SVEP1: variants seen among roughly 807,000 people sequenced by gnomAD.
SVEP1 encodes the protein sushi, von Willebrand factor type A, EGF and pentraxin domain containing 1.
Under a neutral mutation model 367.3 loss-of-function variants are expected in SVEP1, and 164 were observed. That is an observed-to-expected ratio of 0.45 (90% CI 0.39 to 0.51). The LOEUF is 0.51. Among genes scored for constraint, SVEP1 ranks in the 20% least tolerant of loss-of-function variants. The pLI is 0.00. For synonymous variants in SVEP1, 1,666 were observed against 1,611.6 expected (o/e 1.03, Z -0.81); for missense variants, 4,117 against 4,425.3 (o/e 0.93, Z 1.98).
intron 40 of SVEP1, among the ~76,000 whole-genome samples, chr9:110,393,719 C>G (rs551354253): frequency 6.6e-6 from 1 of 152,220 alleles, no homozygotes; most frequent in African/African-American, 2.4e-5. Context: ...TATCCCGCAC[C>G]TGGCTCAGAG....
intron 43 of SVEP1, among the ~76,000 whole-genome samples, chr9:110,380,153 T>C (rs1429025594): frequency 6.6e-5 from 10 of 152,188 alleles, no homozygotes; most frequent in Non-Finnish European, 1.5e-4. Context: ...ATGACAATCC[T>C]CTCTTTTAAA....
intron 46 of SVEP1, among the ~76,000 whole-genome samples, chr9:110,373,692 T>G (rs1658068554): frequency 6.6e-6 from 1 of 152,078 alleles, no homozygotes; most frequent in Non-Finnish European, 1.5e-5. Context: ...ATTGAGTTAT[T>G]TGACATTTAC....
intron 1 of SVEP1, among the ~76,000 whole-genome samples, chr9:110,560,000 T>C (rs1265729771): frequency 1.3e-5 from 2 of 152,180 alleles, no homozygotes; most frequent in African/African-American, 4.8e-5. Flanking sequence ...TGTGTATGTA[T>C]GAGTGTGACT....
At chr9:110,423,190 A>AAAAAAAAAAAAT (rs1828199423) in intron 36 of SVEP1, among the ~76,000 whole-genome samples, 1 of 147,280 alleles carries the variant, frequency 6.8e-6, no homozygotes, top group African/African-American at 2.5e-5. Flanking sequence ...AAAAGAAAAA[A>AAAAAAAAAAAAT]AAAAGAAAAA....
rs1439042501 is a variant in SVEP1 at position 110,513,073 on chromosome 9, T to C, written c.1156A>G (p.Asn386Asp). 6 of 1,613,908 alleles carry C rather than the reference T, an allele frequency of 3.7e-6. No individual in the cohort carries two copies. Among genetic ancestry groups the C allele is most frequent in the Non-Finnish European group, 4.2e-6 (5 of 1,179,836 alleles). ...VHCPALKPPENGYFIQNTCNN... is the reference protein window; with the variant it reads ...VHCPALKPPEDGYFIQNTCNN... Reference sequence around the variant, plus strand: ...CAAGTGTTTTGGATAAAGTAACCATTTTCGGGAGGCTTCAGGGCAGGGCAG... The same window carrying C: ...CAAGTGTTTTGGATAAAGTAACCATCTTCGGGAGGCTTCAGGGCAGGGCAG... Residue 386 changes from asparagine to aspartate, a missense_variant, in exon 5 of 48, where the codon AAT becomes GAT. Coordinates refer to ENST00000374469, the MANE Select transcript of SVEP1 (RefSeq NM_153366.4).
chr9:110,485,476 T>C (rs1829261831), intron 9 of SVEP1, among the ~76,000 whole-genome samples: 1 of 152,102 alleles, frequency 6.6e-6, no homozygotes, highest in Non-Finnish European at 1.5e-5. Flanking sequence ...AGCTAATTCA[T>C]GCAGGGCTCA....
chr9:110,370,096 T>C, intron 46 of SVEP1, 80 bp from the exon 47 acceptor site: 2 of 1,292,118 alleles, frequency 1.5e-6, no homozygotes, highest in South Asian at 2.6e-5. Flanking sequence ...TAGGATAAGA[T>C]TTGACTCTAC....
At chr9:110,540,327 GAAT>G (rs1830128882) in intron 3 of SVEP1, among the ~76,000 whole-genome samples, 1 of 151,958 alleles carries the variant, frequency 6.6e-6, no homozygotes, top group African/African-American at 2.4e-5. Flanking sequence ...ACTAAACCCA[GAAT>G]AATATTTTCT....
At chr9:110,458,919 A>G (rs200926206) in intron 19 of SVEP1, 33 bp downstream of exon 19, 10 of 1,599,222 alleles carry the variant, frequency 6.3e-6, no homozygotes, top group Non-Finnish European at 8.6e-6. Context: ...AATGTCCAAC[A>G]TAGGATTACA....
rs527684142 is a variant in SVEP1 at position 110,424,826 on chromosome 9, C to T, written c.5975+2765G>A. ...AGTAGCTGGGATTATAGGCATGCACCACCACACCCAGCTAATTTTGTCTTT... is the reference window on the plus strand; with the variant it reads ...AGTAGCTGGGATTATAGGCATGCACTACCACACCCAGCTAATTTTGTCTTT... On this transcript the variant is annotated intron_variant, in intron 36 of 47. Transcript: ENST00000374469. Among the ~76,000 whole-genome samples the T allele has an allele frequency of 5.3e-5, 8 of 152,254 alleles. No homozygotes were observed. In the South Asian group the frequency reaches 1.5e-3, roughly 28 times the overall value.
At chr9:110,472,563 C>T (rs1829037688) in intron 14 of SVEP1, among the ~76,000 whole-genome samples, 1 of 152,126 alleles carries the variant, frequency 6.6e-6, no homozygotes, top group African/African-American at 2.4e-5. Context: ...TATGGAACTA[C>T]TAGGGCATTT....
At position 110,368,292 on chromosome 9, in the gene SVEP1, A is replaced by C. The variant is rs371748781; in HGVS notation, c.10694+1631T>G. On this transcript the variant is annotated intron_variant, in intron 47 of 47. Transcript: ENST00000374469. Reference sequence around the variant, plus strand: ...ACAAGGTCCCTCTATTGTGATAATAAATTCTCTTCTTTGCTTAAACTAGTT... The same window carrying C: ...ACAAGGTCCCTCTATTGTGATAATACATTCTCTTCTTTGCTTAAACTAGTT... 5.3e-5 allele frequency among the ~76,000 whole-genome samples: 8 copies of C among 152,100 alleles called. No homozygotes were observed. The East Asian group carries it at 9.6e-4, about 18-fold the overall frequency.
intron 27 of SVEP1, among the ~76,000 whole-genome samples, chr9:110,439,178 A>G (rs36120277): frequency 0.22 from 33,025 of 151,880 alleles, 4,269 homozygotes; most frequent in Non-Finnish European, 0.28. Context: ...GATTTAGATG[A>G]GTTCATGAGG....
At chr9:110,404,243 T>A in intron 39 of SVEP1, 84 bp downstream of exon 39, 1 of 1,316,488 alleles carries the variant, frequency 7.6e-7, no homozygotes, top group Non-Finnish European at 1.0e-6. Context: ...TTTTTTCTTT[T>A]TGGGATTACT....
intron 40 of SVEP1, among the ~76,000 whole-genome samples, chr9:110,396,172 C>G (rs373697374): frequency 5.3e-5 from 8 of 152,132 alleles, no homozygotes; most frequent in Non-Finnish European, 1.2e-4. Flanking sequence ...TGCAATCAAA[C>G]TAGAACTCAG....
rs1277211903 is a variant in SVEP1, at chr9:110,408,870, C to A, written c.6730G>T (p.Val2244Phe). 5 of 1,613,468 alleles carry A rather than the reference C, an allele frequency of 3.1e-6. No homozygotes were observed. The African/African-American group carries it at 5.3e-5, about 17-fold the overall frequency. Residue 2244 changes from valine to phenylalanine, a missense_variant, in exon 38 of 48, where the codon GTC becomes TTC. Transcript: ENST00000374469. ...GYKSVGSPVF[V>F]CQANRHWHSE... ...TGCCAGTGGCGATTGGCTTGGCAGA[C>A]AAATACAGGACTTCCGACTGACTTA...
intron 3 of SVEP1, among the ~76,000 whole-genome samples, chr9:110,544,724 G>C (rs1172922897): frequency 6.6e-6 from 1 of 151,270 alleles, no homozygotes; most frequent in Non-Finnish European, 1.5e-5. Context: ...ATCACATTAT[G>C]ACAATTACCA....
chr9:110,384,892 C>G (rs1243467033), intron 43 of SVEP1, among the ~76,000 whole-genome samples: 1 of 152,182 alleles, frequency 6.6e-6, no homozygotes, highest in African/African-American at 2.4e-5. Flanking sequence ...TGGTCGGACT[C>G]AATGAATATG....
At position 110,432,442 on chromosome 9, in the gene SVEP1, GTTGCCAACA is replaced by G; in HGVS notation, c.5233+11_5233+19del. ...AGAGCTAGAATAATCTCATATAGTA[GTTGCCAACA>G]TTTATCTCACCAAGGCAGGATGGTG... On this transcript the variant is annotated intron_variant, in intron 31 of 47. Transcript: ENST00000374469. 1 of 1,603,670 alleles carries G rather than the reference GTTGCCAACA, an allele frequency of 6.2e-7. No homozygotes were observed. The highest frequency in any genetic ancestry group is 8.5e-7 in the Non-Finnish European group (1 of 1,175,470).
Sources: gnomAD v4.1 joint callset for allele counts (sites outside exome capture counted in the v4.1 genomes callset) on GRCh38, gnomAD v4.1.1 for gene constraint, MANE v1.5 for transcripts, NCBI Gene and HGNC (gene_info 2026-07-23, HGNC 2026-07-21) for gene names.